The following PARG variants were observed in gnomAD, a reference collection of about 807,000 sequenced individuals.
The protein encoded by PARG is poly(ADP-ribose) glycohydrolase.
Under a neutral mutation model 113.0 loss-of-function variants are expected in PARG, and 35 were observed. The observed-to-expected ratio is 0.31, with a 90% CI of 0.24 to 0.41. The LOEUF (loss-of-function observed/expected upper bound fraction) is 0.41, where lower values mean the gene tolerates loss of function less well. Ranked by LOEUF, PARG falls within the 10% of genes least tolerant of loss-of-function variation. The probability of loss-of-function intolerance (pLI) is 1.00; values close to 1 mark genes in which losing one functional copy is unlikely to be tolerated. For missense variants in PARG, 797 were observed against 1,169.4 expected (o/e 0.68, Z 4.64); for synonymous variants, 330 against 409.9 (o/e 0.81, Z 2.36).
chr10:49,827,582 A>G (rs1358593513), intron 16 of PARG, among the ~76,000 whole-genome samples: 1 of 152,202 alleles, frequency 6.6e-6, no homozygotes, highest in Non-Finnish European at 1.5e-5. Flanking sequence ...AAACAAAACA[A>G]AACAGAACAA....
At chr10:49,868,765 T>A (rs1378736324) in intron 10 of PARG, among the ~76,000 whole-genome samples, 1 of 151,956 alleles carries the variant, frequency 6.6e-6, no homozygotes, top group African/African-American at 2.4e-5. Context: ...TAAGCATGTA[T>A]CTTCTTGTTT....
chr10:49,842,810 C>T (rs1554832613), intron 14 of PARG, among the ~76,000 whole-genome samples: 1 of 152,086 alleles, frequency 6.6e-6, no homozygotes, highest in African/African-American at 2.4e-5. Flanking sequence ...GTAGAATAAA[C>T]ATCTACATAG....
Position 49,941,684 on chromosome 10 carries a change from G to T in PARG, c.42C>A (p.Pro14=). 5 of 1,592,790 alleles carry T rather than the reference G, an allele frequency of 3.1e-6. No homozygotes were observed. The highest frequency in any genetic ancestry group is 2.3e-5 in the East Asian group (1 of 43,484). ...GPGCEPCTKR[P]RWGAATTSPA... ...GCGAAGTTGTAGCGGCGCCCCAGCG[G>T]GGTCGCTTGGTGCAGGGTTCACAGC... Residue 14 remains proline, a synonymous_variant, in exon 1 of 18, where the codon CCC becomes CCA. Coordinates refer to ENST00000616448, the MANE Select transcript of PARG (RefSeq NM_003631.5).
At chr10:49,905,326 G>A (rs1480531934) in intron 7 of PARG, among the ~76,000 whole-genome samples, 3 of 152,246 alleles carry the variant, frequency 2.0e-5, no homozygotes, top group Non-Finnish European at 4.4e-5. Flanking sequence ...ATGGCAACAG[G>A]AAACAAAGGC....
intron 10 of PARG, among the ~76,000 whole-genome samples, chr10:49,866,402 T>C (rs1270272783): frequency 6.6e-6 from 1 of 152,032 alleles, no homozygotes. Context: ...TCAAAAACCA[T>C]ATGGAGCAGT....
chr10:49,887,756 G>C (rs1361234037), intron 7 of PARG, among the ~76,000 whole-genome samples: 2 of 152,186 alleles, frequency 1.3e-5, no homozygotes, highest in Admixed American at 1.3e-4. Flanking sequence ...TATAAATAAA[G>C]CTATCTTTAG....
At chr10:49,861,715 C>A in intron 11 of PARG, 52 bp from the exon 12 acceptor site, 1 of 747,412 alleles carries the variant, frequency 1.3e-6, no homozygotes, top group South Asian at 1.5e-5. Context: ...ACAAGTTGTT[C>A]ACTGCGGACA....
Position 49,933,709 on chromosome 10 carries a change from A to G in PARG, c.739T>C (p.Cys247Arg), listed in dbSNP as rs1176900986. The change falls in exon 3 of 18, where the codon TGT becomes CGT. Residue 247 changes from cysteine (C) to arginine (R), a missense_variant. By Grantham distance (180) the Cys-to-Arg change is radical. Around this residue, in one of 5 missense-constraint regions of PARG, gnomAD observed 284 missense variants for 306.1 expected, o/e 0.93. Coordinates refer to ENST00000616448, the MANE Select transcript of PARG (RefSeq NM_003631.5). ...ATCTCATCTTGCTGACAACTTGCAC[A>G]GTCTTCCCCAGGATCGCAAGACTTG... ...CSKSCDPGED[C>R]ASCQQDEIDV... 2 of 1,611,502 alleles carry G rather than the reference A, an allele frequency of 1.2e-6. No individual in the cohort carries two copies. The highest frequency in any genetic ancestry group is 2.7e-5 in the African/African-American group (2 of 74,872).
chr10:49,868,510 C>T (rs1329703800), intron 10 of PARG, among the ~76,000 whole-genome samples: 1 of 151,942 alleles, frequency 6.6e-6, no homozygotes, highest in African/African-American at 2.4e-5. Context: ...TGTCCAATAG[C>T]AATACATTCA....
At chr10:49,896,558 T>A (rs1848100124) in intron 7 of PARG, among the ~76,000 whole-genome samples, 1 of 152,212 alleles carries the variant, frequency 6.6e-6, no homozygotes, top group Non-Finnish European at 1.5e-5. Context: ...GTGTTAGGAT[T>A]ACAGGCATGA....
At chr10:49,825,463 A>G (rs1844306268) in intron 16 of PARG, among the ~76,000 whole-genome samples, 1 of 152,166 alleles carries the variant, frequency 6.6e-6, no homozygotes, top group South Asian at 2.1e-4. Context: ...CTCTAGGCTA[A>G]TTTACCTCTC....
chr10:49,843,581 G>A lies in PARG; in HGVS notation c.2405C>T (p.Ser802Phe). The change falls in exon 14 of 18, where the codon TCC (serine) becomes TTC (phenylalanine). Residue 802 changes from serine (S) to phenylalanine (F), a missense_variant. By Grantham distance (155) the Ser-to-Phe change is radical. Transcript: ENST00000616448. ...YTGYAETYRW[S>F]RSHEDGSERD... ...TTCACTCCCATCTTCGTGGCTCCGG[G>A]ACCAACGATATGTCTCAGCATAGCC... 1 of 1,550,834 alleles carries A rather than the reference G, an allele frequency of 6.4e-7. No homozygotes were observed. Among genetic ancestry groups the A allele is most frequent in the South Asian group, 1.2e-5 (1 of 84,038 alleles).
intron 14 of PARG, among the ~76,000 whole-genome samples, chr10:49,843,059 A>G (rs1845323636): frequency 6.6e-6 from 1 of 152,224 alleles, no homozygotes; most frequent in South Asian, 2.1e-4. Context: ...AAAGTAGAAG[A>G]CTATATTTCA....
intron 7 of PARG, among the ~76,000 whole-genome samples, chr10:49,910,515 C>A (rs1313975856): frequency 2.3e-4 from 35 of 151,878 alleles, no homozygotes; most frequent in African/African-American, 8.5e-4. Flanking sequence ...ATGCAAAAAA[C>A]AAAAGCAAAA....
At chr10:49,834,234 C>CAA (rs1195982928) in intron 15 of PARG, among the ~76,000 whole-genome samples, 11 of 152,094 alleles carry the variant, frequency 7.2e-5, no homozygotes, top group Middle Eastern at 3.2e-3. Flanking sequence ...CATTAACGAA[C>CAA]AAGGGAAAAA....
chr10:49,831,516 T>C (rs1169206777), intron 16 of PARG, among the ~76,000 whole-genome samples: 4 of 152,190 alleles, frequency 2.6e-5, no homozygotes, highest in Non-Finnish European at 5.9e-5. Context: ...GTTCTGCTAA[T>C]GAGGCGATTC....
chr10:49,830,803 CA>C (rs1299663146), intron 16 of PARG, among the ~76,000 whole-genome samples: 2 of 152,022 alleles, frequency 1.3e-5, no homozygotes, highest in Non-Finnish European at 2.9e-5. Context: ...CTACAAGGAT[CA>C]AAATGAAGTA....
At chr10:49,903,047 G>C (rs1181104163) in intron 7 of PARG, among the ~76,000 whole-genome samples, 1 of 151,674 alleles carries the variant, frequency 6.6e-6, no homozygotes, top group Admixed American at 6.6e-5. Flanking sequence ...GGATGGTCTC[G>C]ATCTCTTGAC....
chr10:49,835,197 G>GA (rs1844855920), intron 15 of PARG, among the ~76,000 whole-genome samples: 2 of 152,122 alleles, frequency 1.3e-5, no homozygotes, highest in Non-Finnish European at 2.9e-5. Context: ...ACTCCACAGC[G>GA]AAAGGCATTA....
Sources: allele counts gnomAD v4.1 joint callset (sites outside exome capture counted in the v4.1 genomes callset), GRCh38; gene constraint gnomAD v4.1.1; regional missense constraint gnomAD v4.1.1; transcripts MANE v1.5; gene names NCBI Gene and HGNC (gene_info 2026-07-23, HGNC 2026-07-21).